TCF7L1: variants seen among roughly 807,000 people sequenced by gnomAD.
TCF7L1 encodes the protein transcription factor 7-like 1.
In TCF7L1, 18 loss-of-function variants were observed where a neutral mutation model predicts 63.7. The ratio of observed to expected loss-of-function variants is 0.28; its 90% confidence interval spans 0.20 to 0.42. The LOEUF (loss-of-function observed/expected upper bound fraction) is 0.42, where lower values mean the gene tolerates loss of function less well. Ranked by LOEUF, TCF7L1 falls within the 10% of genes least tolerant of loss-of-function variation. The pLI is 1.00. For missense variants in TCF7L1, 654 were observed against 779.3 expected (o/e 0.84, Z 1.91); for synonymous variants, 355 against 340.9 (o/e 1.04, Z -0.46).
chr2:85,292,797 C>T (rs1183129184), intron 4 of TCF7L1, among the ~76,000 whole-genome samples: 2 of 152,220 alleles, frequency 1.3e-5, no homozygotes, highest in Non-Finnish European at 2.9e-5. Flanking sequence ...AGGCTGGTCT[C>T]AAACTCCTGG....
At position 85,283,539 on chromosome 2, in the gene TCF7L1, C is replaced by T. The variant is rs111816159; in HGVS notation, c.486C>T (p.Ala162=). The part of the protein sequence containing the change: ...KWPLLDVPSS[A]TVKDTRSPSP... ...CCCTCCTCGATGTCCCCTCCAGCGC[C>T]ACAGTCAAGGACACGAGGTCACCAT... Residue 162 remains alanine (A), a synonymous_variant, in exon 4 of 12, where the codon GCC becomes GCT. Transcript: ENST00000282111. The T allele has an allele frequency of 9.5e-5, 153 of 1,614,192 alleles. 4 individuals carry two copies. The African/African-American group carries it at 1.6e-3, about 17-fold the overall frequency.
chr2:85,253,935 CCTTG>C (rs1174334727), intron 3 of TCF7L1, among the ~76,000 whole-genome samples: 1 of 152,220 alleles, frequency 6.6e-6, no homozygotes, highest in African/African-American at 2.4e-5. Context: ...TCATGTGTGA[CCTTG>C]CAGTGGGGCA....
At chr2:85,195,376 A>G (rs548072982) in intron 3 of TCF7L1, among the ~76,000 whole-genome samples, 1 of 152,294 alleles carries the variant, frequency 6.6e-6, no homozygotes, top group African/African-American at 2.4e-5. Flanking sequence ...CTGGAGCCCA[A>G]AAGGTCAAGG....
At chr2:85,293,788 T>C (rs1360001068) in intron 4 of TCF7L1, among the ~76,000 whole-genome samples, 2 of 152,224 alleles carry the variant, frequency 1.3e-5, no homozygotes, top group African/African-American at 4.8e-5. Flanking sequence ...AAGTACTTCC[T>C]GTCAGAGTTT....
intron 3 of TCF7L1, among the ~76,000 whole-genome samples, chr2:85,238,489 C>T (rs988466739): frequency 1.3e-5 from 2 of 152,180 alleles, no homozygotes; most frequent in Non-Finnish European, 2.9e-5. Flanking sequence ...TGAGTCATCC[C>T]GCACAGCCGG....
rs757822475 is a variant in TCF7L1, at chr2:85,305,320, C to T, written c.906C>T (p.Thr302=). The change falls in exon 8 of 12, where the codon ACC becomes ACT. Residue 302 remains threonine (T), a synonymous_variant. Coordinates refer to ENST00000282111, the MANE Select transcript of TCF7L1 (RefSeq NM_031283.3). ...CTCCTGCCCACCCTGGCCTGCCCAC[C>T]TCAGGGATCCCCCACCCTGCCATCG... ...MVAPAHPGLP[T]SGIPHPAIVS... 3.1e-6 allele frequency: 5 copies of T among 1,613,920 alleles called. No individual in the cohort carries two copies. The African/African-American group carries it at 6.7e-5, about 22-fold the overall frequency.
At chr2:85,215,684 C>T (rs962211925) in intron 3 of TCF7L1, among the ~76,000 whole-genome samples, 2 of 147,620 alleles carry the variant, frequency 1.4e-5, no homozygotes, top group African/African-American at 5.0e-5. Flanking sequence ...ATTGTGACTT[C>T]TCTGTCCCTA....
At chr2:85,160,873 C>T (rs888365080) in intron 3 of TCF7L1, among the ~76,000 whole-genome samples, 2 of 152,038 alleles carry the variant, frequency 1.3e-5, no homozygotes, top group East Asian at 1.9e-4. Flanking sequence ...AAAAAGAAGC[C>T]GCTTAGTTTT....
chr2:85,138,259 A>G (rs1677642354), intron 3 of TCF7L1, among the ~76,000 whole-genome samples: 1 of 152,110 alleles, frequency 6.6e-6, no homozygotes, highest in African/African-American at 2.4e-5. Flanking sequence ...GCTCATTTTT[A>G]AGTCCTTTAT....
At chr2:85,221,964 G>A (rs546684216) in intron 3 of TCF7L1, among the ~76,000 whole-genome samples, 5 of 151,502 alleles carry the variant, frequency 3.3e-5, no homozygotes, top group African/African-American at 7.3e-5. Context: ...ACAATAACTT[G>A]GTTTCCTCCA....
chr2:85,246,524 C>T (rs1680467657), intron 3 of TCF7L1, among the ~76,000 whole-genome samples: 1 of 152,190 alleles, frequency 6.6e-6, no homozygotes, highest in South Asian at 2.1e-4. Context: ...CTGGTATAAT[C>T]ACTCCTATTT....
At chr2:85,307,535 C>T (rs568042547) in intron 10 of TCF7L1, 107 bp from the exon 11 acceptor site, 42 of 877,392 alleles carry the variant, frequency 4.8e-5, no homozygotes, top group South Asian at 1.9e-4. Flanking sequence ...CCTGAGGGAT[C>T]GAGAGCAGTA....
chr2:85,152,636 T>C (rs1413984767), intron 3 of TCF7L1, among the ~76,000 whole-genome samples: 1 of 144,994 alleles, frequency 6.9e-6, no homozygotes, highest in Non-Finnish European at 1.5e-5. Flanking sequence ...GGTTTCACCA[T>C]GTTGGCCAGG....
chr2:85,258,375 GACGTGCACCAAGCC>G (rs1172832660), intron 3 of TCF7L1, among the ~76,000 whole-genome samples: 1 of 152,154 alleles, frequency 6.6e-6, no homozygotes, highest in African/African-American at 2.4e-5. Context: ...CTCTTCCCTG[GACGTGCACCAAGCC>G]ACTGGTGTGC....
At chr2:85,166,638 A>G (rs56262531) in intron 3 of TCF7L1, among the ~76,000 whole-genome samples, 5,091 of 152,292 alleles carry the variant, frequency 0.033, 116 homozygotes, top group Middle Eastern at 0.051. Flanking sequence ...ACTGCTGGGC[A>G]TGGCTTCCTA....
At chr2:85,247,787 C>T (rs996252464) in intron 3 of TCF7L1, among the ~76,000 whole-genome samples, 10 of 152,216 alleles carry the variant, frequency 6.6e-5, no homozygotes, top group African/African-American at 2.4e-4. Flanking sequence ...CCTCTGCCTG[C>T]ATACTTATAT....
intron 10 of TCF7L1, 99 bp from the exon 11 acceptor site, chr2:85,307,543 G>GTC: frequency 9.7e-7 from 1 of 1,033,138 alleles, no homozygotes; most frequent in Non-Finnish European, 1.5e-6. Flanking sequence ...ATCGAGAGCA[G>GTC]TAAAGGGCAA....
chr2:85,298,036 A>C (rs912579344), intron 4 of TCF7L1, among the ~76,000 whole-genome samples: 4 of 150,320 alleles, frequency 2.7e-5, no homozygotes, highest in African/African-American at 9.8e-5. Context: ...CGGCTCACTG[A>C]AACCTCCACC....
chr2:85,297,440 A>G (rs756239211), intron 4 of TCF7L1, among the ~76,000 whole-genome samples: 1 of 152,180 alleles, frequency 6.6e-6, no homozygotes, highest in Non-Finnish European at 1.5e-5. Context: ...CACACGTGCT[A>G]TGCCAGGCAT....
Sources: allele counts gnomAD v4.1 joint callset (sites outside exome capture counted in the v4.1 genomes callset), GRCh38; gene constraint gnomAD v4.1.1; transcripts MANE v1.5; gene names NCBI Gene and HGNC (gene_info 2026-07-23, HGNC 2026-07-21).